The following LUZP2 variants were observed in gnomAD, a reference collection of about 807,000 sequenced individuals.
The protein encoded by LUZP2 is leucine zipper protein 2.
LUZP2 carries 52 observed loss-of-function variants against 51.6 expected under a neutral mutation model. That is an observed-to-expected ratio of 1.01 (90% CI 0.81 to 1.27). LUZP2 has a LOEUF of 1.27. LUZP2 is among the 50% of genes most tolerant of loss of function. The pLI is 0.00. For synonymous variants in LUZP2, 154 were observed against 137.3 expected, an observed-to-expected ratio of 1.12 and a Z score of -0.85; for missense variants, 436 against 395.4, an observed-to-expected ratio of 1.10 and a Z score of -0.87.
chr11:24,612,440 A>T (rs964682284), intron 1 of LUZP2, among the ~76,000 whole-genome samples: 1 of 151,956 alleles, frequency 6.6e-6, no homozygotes, highest in Admixed American at 6.6e-5. Flanking sequence ...TGGAATGAAG[A>T]CTCATTTTGC....
intron 9 of LUZP2, among the ~76,000 whole-genome samples, chr11:25,034,775 T>A (rs982961226): frequency 6.6e-6 from 1 of 152,076 alleles, no homozygotes; most frequent in South Asian, 2.1e-4. Context: ...ATTTAATTGG[T>A]CTACATGTCT....
intron 5 of LUZP2, among the ~76,000 whole-genome samples, chr11:24,764,253 A>T (rs1357715611): frequency 6.6e-6 from 1 of 152,188 alleles, no homozygotes; most frequent in Non-Finnish European, 1.5e-5. Flanking sequence ...TTGTATGATT[A>T]TAAGAGAATT....
intron 5 of LUZP2, chr11:24,786,058 G>C: frequency 1.0e-6 from 1 of 985,230 alleles, no homozygotes; most frequent in East Asian, 1.1e-4. Flanking sequence ...ATCTTTGCTG[G>C]TGGGCACATT....
chr11:24,797,709 C>G (rs1849583411), intron 5 of LUZP2, among the ~76,000 whole-genome samples: 1 of 152,100 alleles, frequency 6.6e-6, no homozygotes, highest in South Asian at 2.1e-4. Flanking sequence ...ATCTCAATTT[C>G]CTATTGCTAA....
At chr11:24,689,822 C>T (rs188637307) in intron 1 of LUZP2, among the ~76,000 whole-genome samples, 7 of 152,194 alleles carry the variant, frequency 4.6e-5, no homozygotes, top group Middle Eastern at 3.4e-3. Flanking sequence ...TTTTTCATAA[C>T]GCTTTCCATT....
intron 1 of LUZP2, among the ~76,000 whole-genome samples, chr11:24,659,571 T>TA (rs1034026285): frequency 6.0e-5 from 9 of 150,664 alleles, no homozygotes; most frequent in Admixed American, 1.3e-4. Context: ...TAAGTATAAT[T>TA]AAAAAAAAAT....
At chr11:24,873,377 A>G (rs1296752547) in intron 5 of LUZP2, among the ~76,000 whole-genome samples, 1 of 152,234 alleles carries the variant, frequency 6.6e-6, no homozygotes, top group Non-Finnish European at 1.5e-5. Context: ...TAAGCCCAGC[A>G]TAAGTCAGAA....
At chr11:24,871,601 G>A (rs542334333) in intron 5 of LUZP2, among the ~76,000 whole-genome samples, 56 of 152,064 alleles carry the variant, frequency 3.7e-4, no homozygotes, top group African/African-American at 1.3e-3. Flanking sequence ...TCATCAGGCC[G>A]TCTTTAAGTC....
intron 5 of LUZP2, among the ~76,000 whole-genome samples, chr11:24,857,158 T>C (rs1448706596): frequency 6.6e-6 from 1 of 151,884 alleles, no homozygotes; most frequent in Non-Finnish European, 1.5e-5. Context: ...CACTGTAATT[T>C]GTTTGTTTTC....
At chr11:24,575,494 G>A (rs981546110) in intron 1 of LUZP2, among the ~76,000 whole-genome samples, 6 of 152,138 alleles carry the variant, frequency 3.9e-5, no homozygotes, top group African/African-American at 1.4e-4. Flanking sequence ...CATGCTATCA[G>A]CATAGATTTA....
In LUZP2 at chr11:25,043,952, TA is replaced by T. The variant is rs1858164233; in HGVS notation, c.766-6085del. 8.6e-5 allele frequency among the ~76,000 whole-genome samples: 11 copies of T among 128,260 alleles called. No individual in the cohort carries two copies. In the South Asian group the frequency reaches 2.8e-3, roughly 33 times the overall value. The allele number at this position is 128,260 out of a possible 152,430, so 84.1% of individuals were successfully genotyped here. On this transcript the variant is annotated intron_variant, in intron 9 of 11. Transcript: ENST00000336930. ...TATATAGTCCTCTACATATATCTGA[TA>T]TATATATAGTCCATATATATCTGAT...
chr11:24,996,310 T>C (rs1856496224), intron 9 of LUZP2, among the ~76,000 whole-genome samples: 1 of 150,152 alleles, frequency 6.7e-6, no homozygotes, highest in African/African-American at 2.4e-5. Context: ...TCCTCTATCT[T>C]TCTCTCTCTC....
At chr11:24,744,673 C>T (rs1001702777) in intron 4 of LUZP2, among the ~76,000 whole-genome samples, 5 of 151,736 alleles carry the variant, frequency 3.3e-5, no homozygotes, top group African/African-American at 9.7e-5. Context: ...TTTTGTTTAT[C>T]TTTTGTATTG....
intron 7 of LUZP2, among the ~76,000 whole-genome samples, chr11:24,922,417 G>A (rs1427270695): frequency 1.3e-5 from 2 of 152,136 alleles, no homozygotes; most frequent in Non-Finnish European, 1.5e-5. Flanking sequence ...AGGGAATTTT[G>A]TAAAGTAGTT....
intron 5 of LUZP2, among the ~76,000 whole-genome samples, chr11:24,865,800 A>G (rs185441484): frequency 5.3e-5 from 8 of 150,366 alleles, no homozygotes; most frequent in African/African-American, 1.7e-4. Flanking sequence ...GTGTGTGTGT[A>G]TATATAATTT....
intron 1 of LUZP2, among the ~76,000 whole-genome samples, chr11:24,672,993 C>T (rs1439738556): frequency 6.6e-6 from 1 of 152,138 alleles, no homozygotes; most frequent in Non-Finnish European, 1.5e-5. Flanking sequence ...GTGAATGGCA[C>T]ATGCAAGGGA....
chr11:24,964,422 T>C (rs1855521671), intron 7 of LUZP2, among the ~76,000 whole-genome samples: 1 of 152,170 alleles, frequency 6.6e-6, no homozygotes, highest in Admixed American at 6.5e-5. Flanking sequence ...GTTTTTTCAC[T>C]TTATACCCAG....
intron 1 of LUZP2, among the ~76,000 whole-genome samples, chr11:24,723,652 C>G (rs1299428460): frequency 1.3e-5 from 2 of 151,926 alleles, no homozygotes; most frequent in South Asian, 2.1e-4. Flanking sequence ...ATCATGAGAC[C>G]CCCATCTCTA....
At chr11:24,636,511 T>TA (rs776923819) in intron 1 of LUZP2, among the ~76,000 whole-genome samples, 2 of 152,162 alleles carry the variant, frequency 1.3e-5, no homozygotes, top group African/African-American at 2.4e-5. Flanking sequence ...AAATATTAGC[T>TA]CATATCATTG....
Sources: allele counts gnomAD v4.1 joint callset (sites outside exome capture counted in the v4.1 genomes callset), GRCh38; gene constraint gnomAD v4.1.1; transcripts MANE v1.5; gene names NCBI Gene and HGNC (gene_info 2026-07-23, HGNC 2026-07-21).